The following TNFSF18 variants were observed in gnomAD, a reference collection of about 807,000 sequenced individuals.
TNFSF18 encodes the protein TNF superfamily member 18.
Under a neutral mutation model 9.6 loss-of-function variants are expected in TNFSF18, and 6 were observed. The observed-to-expected ratio is 0.63, with a 90% confidence interval of 0.34 to 1.24. TNFSF18 has a LOEUF of 1.24. Ranked by LOEUF, TNFSF18 falls within the 50% of genes most tolerant of loss-of-function variation. TNFSF18 has a pLI of 0.03. For missense variants in TNFSF18, 210 were observed against 201.0 expected (o/e 1.04, Z -0.27); for synonymous variants, 68 against 71.7 (o/e 0.95, Z 0.26).
rs375727692 is a variant in TNFSF18, at chr1:173,041,424, T to C, written c.477A>G (p.Leu159=). The change falls in exon 3 of 3, where the codon CTA becomes CTG. Residue 159 remains leucine (L), a synonymous_variant. Coordinates refer to ENST00000404377, the MANE Select transcript of TNFSF18 (RefSeq NM_005092.4). The part of the protein sequence containing the change: ...DLIFNSEHQV[L]KNNTYWGIIL... The stretch of plus-strand genomic sequence containing the variant: ...TGATACCCCAGTATGTATTATTTTT[T>C]AGAACCTGATGCTCAGAGTTGAATA... 1.2e-6 allele frequency: 2 copies of C among 1,613,196 alleles called. No homozygotes were observed. The highest frequency in any genetic ancestry group is 2.7e-5 in the African/African-American group (2 of 74,898).
chr1:173,045,432 G>T (rs1360124292), intron 1 of TNFSF18, among the ~76,000 whole-genome samples: 1 of 152,214 alleles, frequency 6.6e-6, no homozygotes, highest in Non-Finnish European at 1.5e-5. Flanking sequence ...AGAGTACAGT[G>T]AATTGACTGA....
At position 173,048,748 on chromosome 1, in the gene TNFSF18, A is replaced by T. The variant is rs143179447; in HGVS notation, c.156+1993T>A. Among the ~76,000 whole-genome samples the T allele has an allele frequency of 3.0e-3, 462 of 152,282 alleles. 5 individuals carry two copies. The highest frequency in any genetic ancestry group is 0.024 in the Middle Eastern group (7 of 294). Reference sequence around the variant, plus strand: ...GGAAAGTGGGACTTTGTATGTAAAAACTAGAGTGGAGACCAAAATAAAACT... The same window carrying T: ...GGAAAGTGGGACTTTGTATGTAAAATCTAGAGTGGAGACCAAAATAAAACT... On this transcript the variant is annotated intron_variant, in intron 1 of 2. Transcript: ENST00000404377.
At chr1:173,050,696 G>T in intron 1 of TNFSF18, 45 bp downstream of exon 1, 1 of 1,293,720 alleles carries the variant, frequency 7.7e-7, no homozygotes, top group Non-Finnish European at 1.1e-6. Flanking sequence ...CAAATAAATA[G>T]AGGATTATAG....
chr1:173,047,821 G>C (rs994896287), intron 1 of TNFSF18, among the ~76,000 whole-genome samples: 2 of 151,982 alleles, frequency 1.3e-5, no homozygotes. Context: ...TCTAATTATT[G>C]CCACCACTAA....
Position 173,040,867 on chromosome 1 carries a change from C to T in TNFSF18, c.*500G>A, listed in dbSNP as rs533223627. On this transcript the variant is annotated 3_prime_UTR_variant, in exon 3 of 3. Coordinates refer to ENST00000404377, the MANE Select transcript of TNFSF18 (RefSeq NM_005092.4). ...TCAGATTGTTCTTTATCTTCTAACA[C>T]CACCATATCTAAAGTAGGGTATGGT... 6 of 152,596 alleles carry T rather than the reference C, an allele frequency of 3.9e-5. No homozygotes were observed. In the East Asian group the frequency reaches 1.2e-3, roughly 29 times the overall value. 9.5% of individuals were successfully genotyped at this position (152,596 alleles called of 1,614,324 possible). A position where few individuals can be genotyped will look rare whatever the true frequency, so the allele number is the denominator to read the frequency against.
In TNFSF18 at chr1:173,048,999, A is replaced by G. The variant is rs555831516; in HGVS notation, c.156+1742T>C. 3.9e-5 allele frequency among the ~76,000 whole-genome samples: 6 copies of G among 152,338 alleles called. No homozygotes were observed. The South Asian group carries it at 6.2e-4, about 16-fold the overall frequency. On this transcript the variant is annotated intron_variant, in intron 1 of 2. Coordinates refer to ENST00000404377, the MANE Select transcript of TNFSF18 (RefSeq NM_005092.4). ...ATCCTGCAAGTGTCCTGTCAGAACA[A>G]TATTCTAAAAACATTTTATACTTCC...
At chr1:173,042,713 G>T (rs1035118663) in intron 2 of TNFSF18, among the ~76,000 whole-genome samples, 1 of 152,036 alleles carries the variant, frequency 6.6e-6, no homozygotes, top group Non-Finnish European at 1.5e-5. Flanking sequence ...TGATCTCACA[G>T]CCCCGGGAGG....
rs1404114532 is a variant in TNFSF18 at position 173,041,260 on chromosome 1, G to A, written c.*107C>T. The A allele has an allele frequency of 2.1e-6, 2 of 946,492 alleles. No homozygotes were observed. The highest frequency in any genetic ancestry group is 3.1e-6 in the Non-Finnish European group (2 of 638,294). The allele number at this position is 946,492 out of a possible 1,614,324, so 58.6% of individuals were successfully genotyped here. A position where few individuals can be genotyped will look rare whatever the true frequency, so the allele number is the denominator to read the frequency against. On this transcript the variant is annotated 3_prime_UTR_variant, in exon 3 of 3. Transcript: ENST00000404377. ...CGTGCAGAGGAGTTCTGTTTGTGTT[G>A]ATTTTTGTAGACAGACAAACTCTAG...
rs756228250 is a variant in TNFSF18, at chr1:173,039,737, TATACACACAC to T, written c.*1620_*1629del. The stretch of plus-strand genomic sequence containing the variant: ...GTATACATATATATACACACACACA[TATACACACAC>T]ACACACACACACACACACATATGTA... On this transcript the variant is annotated 3_prime_UTR_variant, in exon 3 of 3. Coordinates refer to ENST00000404377, the MANE Select transcript of TNFSF18 (RefSeq NM_005092.4). Among the ~76,000 whole-genome samples the T allele has an allele frequency of 2.0e-5, 3 of 148,476 alleles. No homozygotes were observed. The highest frequency in any genetic ancestry group is 7.5e-5 in the African/African-American group (3 of 39,930).
At chr1:173,046,896 TTGTTGTTG>T in intron 1 of TNFSF18, among the ~76,000 whole-genome samples, 1 of 134,664 alleles carries the variant, frequency 7.4e-6, no homozygotes, top group African/African-American at 2.6e-5. Context: ...GTTGTTGTTG[TTGTTGTTG>T]TTTTTTGAGA....
intron 1 of TNFSF18, among the ~76,000 whole-genome samples, chr1:173,044,262 C>T (rs933833696): frequency 3.3e-5 from 5 of 151,602 alleles, no homozygotes; most frequent in Admixed American, 3.3e-4. Context: ...CGGACCCCCC[C>T]CCCAACCTTG....
chr1:173,050,016 G>A (rs1665143728), intron 1 of TNFSF18, among the ~76,000 whole-genome samples: 1 of 152,088 alleles, frequency 6.6e-6, no homozygotes, highest in Admixed American at 6.5e-5. Context: ...ATTCCTCCAT[G>A]AAGTCTTCCC....
At chr1:173,046,590 A>C in intron 1 of TNFSF18, among the ~76,000 whole-genome samples, 1 of 152,280 alleles carries the variant, frequency 6.6e-6, no homozygotes, top group East Asian at 1.9e-4. Flanking sequence ...TATTTTAGTA[A>C]TGTTTATGAC....
In TNFSF18 at chr1:173,050,753, A is replaced by C. The variant is rs1405449195; in HGVS notation, c.144T>G (p.Phe48Leu). Residue 48 changes from phenylalanine to leucine, a missense_variant, in exon 1 of 3, where the codon TTT becomes TTG. Physicochemically the swap from Phe to Leu is conservative, Grantham distance 22. Coordinates refer to ENST00000404377, the MANE Select transcript of TNFSF18 (RefSeq NM_005092.4). ...ATTGCCTCCTTACCTCTAATTGGAG[A>C]AAAATAAAGATTAGCCAACTGAAGG... ...LCSFSWLIFI[F>L]LQLETAKEPC... is the part of the protein sequence containing the mutation. The C allele has an allele frequency of 6.2e-7, 1 of 1,605,444 alleles. No homozygotes were observed. The highest frequency in any genetic ancestry group is 8.5e-7 in the Non-Finnish European group (1 of 1,175,752).
At chr1:173,049,104 G>A (rs1665127389) in intron 1 of TNFSF18, among the ~76,000 whole-genome samples, 1 of 152,186 alleles carries the variant, frequency 6.6e-6, no homozygotes, top group East Asian at 1.9e-4. Context: ...AGAGAAACCA[G>A]AATCAGAGCT....
In TNFSF18 at chr1:173,039,394, A is replaced by G. The variant is rs187633341; in HGVS notation, c.*1973T>C. The stretch of plus-strand genomic sequence containing the variant: ...GCCCTGAGAAATCACCAGTATGCCA[A>G]ATTTTTACAATTTCATTTTCTCCCT... On this transcript the variant is annotated 3_prime_UTR_variant, in exon 3 of 3. Coordinates refer to ENST00000404377, the MANE Select transcript of TNFSF18 (RefSeq NM_005092.4). Among the ~76,000 whole-genome samples, 1 of 152,214 alleles carries G rather than the reference A, an allele frequency of 6.6e-6. No individual in the cohort carries two copies. Among genetic ancestry groups the G allele is most frequent in the African/African-American group, 2.4e-5 (1 of 41,522 alleles).
intron 1 of TNFSF18, among the ~76,000 whole-genome samples, chr1:173,047,563 A>G (rs1295658395): frequency 6.6e-6 from 1 of 152,218 alleles, no homozygotes; most frequent in Non-Finnish European, 1.5e-5. Flanking sequence ...GAAGTTTATA[A>G]TCTTTCTAGA....
intron 1 of TNFSF18, among the ~76,000 whole-genome samples, chr1:173,044,265 C>CG (rs946286025): frequency 1.7e-4 from 26 of 151,644 alleles, no homozygotes; most frequent in Admixed American, 1.3e-4. Context: ...ACCCCCCCCC[C>CG]AACCTTGGGC....
intron 1 of TNFSF18, 136 bp from the exon 2 acceptor site, chr1:173,044,105 ATGTCTCAGC>A: frequency 1.2e-6 from 1 of 812,732 alleles, no homozygotes; most frequent in Middle Eastern, 3.1e-4. Flanking sequence ...TCCCTTCACC[ATGTCTCAGC>A]CCTCTCAGCC....
Sources: gnomAD v4.1 joint callset for allele counts (sites outside exome capture counted in the v4.1 genomes callset) on GRCh38, gnomAD v4.1.1 for gene constraint, MANE v1.5 for transcripts, NCBI Gene and HGNC (gene_info 2026-07-23, HGNC 2026-07-21) for gene names.